KAZN: variants seen among roughly 807,000 people sequenced by gnomAD.
KAZN encodes kazrin.
In KAZN, 40 loss-of-function variants were observed where a neutral mutation model predicts 87.4. The observed-to-expected ratio is 0.46, with a 90% CI of 0.36 to 0.60. KAZN has a LOEUF of 0.60. Ranked by LOEUF, KAZN falls within the 20% of genes least tolerant of loss-of-function variation. KAZN has a pLI of 0.00. For synonymous variants in KAZN, 466 were observed against 458.3 expected, an observed-to-expected ratio of 1.02 and a Z score of -0.22; for missense variants, 898 against 1,073.9, an observed-to-expected ratio of 0.84 and a Z score of 2.29.
chr1:13,991,791 T>A (rs989319901), intron 1 of KAZN, among the ~76,000 whole-genome samples: 8 of 152,160 alleles, frequency 5.3e-5, no homozygotes, highest in African/African-American at 1.9e-4. Context: ...AATATCGTGG[T>A]TGACATGATG....
intron 2 of KAZN, among the ~76,000 whole-genome samples, chr1:14,322,020 C>A (rs1321021009): frequency 6.6e-6 from 1 of 152,152 alleles, no homozygotes; most frequent in Non-Finnish European, 1.5e-5. Flanking sequence ...ACTCTAAGGG[C>A]TTTATAGCTA....
At chr1:14,237,400 C>A (rs1450235780) in intron 2 of KAZN, among the ~76,000 whole-genome samples, 1 of 152,152 alleles carries the variant, frequency 6.6e-6, no homozygotes, top group Non-Finnish European at 1.5e-5. Flanking sequence ...AGAGATCAGA[C>A]CTTGGCTTTC....
At chr1:15,110,473 TTGTG>T (rs138531543) in intron 13 of KAZN, among the ~76,000 whole-genome samples, 15,224 of 134,138 alleles carry the variant, frequency 0.11, 989 homozygotes, top group South Asian at 0.15. Flanking sequence ...GTTTGTATGT[TTGTG>T]TATTTGTGTG....
chr1:14,795,577 A>G (rs1645804823), intron 1 of KAZN, among the ~76,000 whole-genome samples: 1 of 152,034 alleles, frequency 6.6e-6, no homozygotes, highest in Admixed American at 6.5e-5. Flanking sequence ...CTCCAAATGC[A>G]TGCTCTTTCC....
intron 1 of KAZN, among the ~76,000 whole-genome samples, chr1:14,040,902 A>C (rs1366073065): frequency 6.6e-6 from 1 of 152,074 alleles, no homozygotes; most frequent in Non-Finnish European, 1.5e-5. Flanking sequence ...AATAGATATA[A>C]ACATTAAATT....
intron 1 of KAZN, among the ~76,000 whole-genome samples, chr1:14,171,870 A>C (rs1457230520): frequency 1.3e-5 from 2 of 152,236 alleles, no homozygotes; most frequent in Non-Finnish European, 2.9e-5. Context: ...AGACAGAAGC[A>C]AAGTACGGTA....
In KAZN at chr1:14,913,020, A is replaced by C. The variant is rs188191767; in HGVS notation, c.227-47664A>C. On this transcript the variant is annotated intron_variant, in intron 1 of 14. Coordinates refer to ENST00000376030, the MANE Select transcript of KAZN (RefSeq NM_201628.3). Reference sequence around the variant, plus strand: ...TTTCCTAAGACCTGAGACACTTGGCAAGATGCGGAGGGGCTGGAGTGATGG... The same window carrying C: ...TTTCCTAAGACCTGAGACACTTGGCCAGATGCGGAGGGGCTGGAGTGATGG... Among the ~76,000 whole-genome samples, 8 of 152,302 alleles carry C rather than the reference A, an allele frequency of 5.3e-5. No individual in the cohort carries two copies. The East Asian group carries it at 1.5e-3, about 29-fold the overall frequency.
At chr1:14,676,415 G>T (rs76474306) in intron 1 of KAZN, among the ~76,000 whole-genome samples, 5,290 of 118,908 alleles carry the variant, frequency 0.044, 116 homozygotes, top group Middle Eastern at 0.095. Flanking sequence ...ACCTAGGGAG[G>T]CCACTTCACG....
chr1:14,291,716 G>A lies in KAZN; in HGVS notation c.249+111124G>A, dbSNP rs191310429. On this transcript the variant is annotated intron_variant, in intron 2 of 16. Coordinates refer to the KAZN transcript ENST00000636203. ...CCCACTGCCCAACCAGTCCCAAAGA[G>A]ATGAACCAGGTACCTCAGTTGGAAA... 2.0e-3 allele frequency among the ~76,000 whole-genome samples: 304 copies of A among 152,308 alleles called. 1 individual carries two copies. Among genetic ancestry groups the A allele is most frequent in the Admixed American group, 3.8e-3 (58 of 15,300 alleles).
intron 2 of KAZN, among the ~76,000 whole-genome samples, chr1:14,404,933 G>C (rs1210511982): frequency 6.6e-6 from 1 of 152,188 alleles, no homozygotes; most frequent in East Asian, 1.9e-4. Flanking sequence ...TGTGGAAGAA[G>C]AGCAAATGTT....
At chr1:14,344,958 G>A (rs529880890) in intron 2 of KAZN, among the ~76,000 whole-genome samples, 3 of 142,512 alleles carry the variant, frequency 2.1e-5, no homozygotes, top group South Asian at 2.2e-4. Context: ...TGGTTCTGTC[G>A]CCCAGGCTAG....
rs568271871 is a variant in KAZN at position 14,656,465 on chromosome 1, C to T, written c.226+57242C>T. Among the ~76,000 whole-genome samples, 93 of 152,304 alleles carry T rather than the reference C, an allele frequency of 6.1e-4. 2 individuals are homozygous for T. The South Asian group carries it at 0.016, about 27-fold the overall frequency. ...ATTGCCACCCAGTTTTGAGTACTTA[C>T]GTGCCAGATGCTCAATCCTCATGTC... is the stretch of plus-strand genomic sequence containing the variant. On this transcript the variant is annotated intron_variant, in intron 1 of 14. Transcript: ENST00000376030.
At chr1:14,157,212 G>T (rs4662128) in intron 1 of KAZN, among the ~76,000 whole-genome samples, 70,945 of 151,844 alleles carry the variant, frequency 0.47, 16,864 homozygotes, top group African/African-American at 0.56. Context: ...TTGAAAAGTT[G>T]TTGCAGTTAT....
intron 1 of KAZN, among the ~76,000 whole-genome samples, chr1:14,078,027 T>G (rs1643527953): frequency 1.3e-5 from 2 of 152,238 alleles, no homozygotes; most frequent in Non-Finnish European, 2.9e-5. Flanking sequence ...GAATAGCTTT[T>G]GTTGTTTTAA....
At chr1:14,459,154 A>G (rs943348584) in intron 2 of KAZN, among the ~76,000 whole-genome samples, 1 of 152,038 alleles carries the variant, frequency 6.6e-6, no homozygotes, top group East Asian at 1.9e-4. Context: ...TCCTGTGCTC[A>G]CTAGGAGGGT....
chr1:14,766,596 C>T lies in KAZN; in HGVS notation c.226+167373C>T, dbSNP rs189440367. Among the ~76,000 whole-genome samples, 5 of 147,978 alleles carry T rather than the reference C, an allele frequency of 3.4e-5. No homozygotes were observed. In the East Asian group the frequency reaches 6.0e-4, roughly 18 times the overall value. ...GGGCCTTGGGGAGGTGGCTTGGTTC[C>T]GCATGTTAACTGAGCATCTAGTATG... On this transcript the variant is annotated intron_variant, in intron 1 of 14. Transcript: ENST00000376030.
At chr1:15,108,935 G>C (rs946771032) in intron 13 of KAZN, among the ~76,000 whole-genome samples, 1 of 152,100 alleles carries the variant, frequency 6.6e-6, no homozygotes, top group Admixed American at 6.5e-5. Flanking sequence ...TGGAGTTTTC[G>C]TGTTTTCATC....
intron 2 of KAZN, among the ~76,000 whole-genome samples, chr1:14,186,142 C>T (rs1646302246): frequency 6.6e-6 from 1 of 152,082 alleles, no homozygotes; most frequent in Non-Finnish European, 1.5e-5. Context: ...TACTTTCGTA[C>T]CAACTGAATA....
At chr1:14,417,759 G>A (rs1257405308) in intron 2 of KAZN, among the ~76,000 whole-genome samples, 1 of 151,926 alleles carries the variant, frequency 6.6e-6, no homozygotes, top group African/African-American at 2.4e-5. Context: ...GACTTTGGGA[G>A]GCCAAAGCAG....
Sources: gnomAD v4.1 joint callset for allele counts (sites outside exome capture counted in the v4.1 genomes callset) on GRCh38, gnomAD v4.1.1 for gene constraint, MANE v1.5 for transcripts, NCBI Gene and HGNC (gene_info 2026-07-23, HGNC 2026-07-21) for gene names.